Variants in CPA6 observed in about 807,000 individuals in gnomAD.
CPA6 encodes the protein carboxypeptidase B.
CPA6 carries 58 observed loss-of-function variants against 63.3 expected under a neutral mutation model. The observed-to-expected ratio is 0.92, with a 90% CI of 0.74 to 1.14. The LOEUF (loss-of-function observed/expected upper bound fraction) is 1.14, where lower values mean the gene tolerates loss of function less well. Among genes scored for constraint, CPA6 ranks in the 50% most tolerant of loss-of-function variants. The probability of loss-of-function intolerance (pLI) is 0.00; values close to 1 mark genes in which losing one functional copy is unlikely to be tolerated. For synonymous variants in CPA6, 185 were observed against 179.0 expected (o/e 1.03, Z -0.27); for missense variants, 565 against 526.6 (o/e 1.07, Z -0.71).
intron 8 of CPA6, among the ~76,000 whole-genome samples, chr8:67,456,341 G>T (rs1044601123): frequency 1.3e-5 from 2 of 152,146 alleles, no homozygotes; most frequent in African/African-American, 2.4e-5. Context: ...GTTACAAATT[G>T]TCGTGTATGG....
intron 7 of CPA6, among the ~76,000 whole-genome samples, chr8:67,484,145 C>G (rs1389641810): frequency 1.3e-5 from 2 of 152,008 alleles, no homozygotes; most frequent in Non-Finnish European, 2.9e-5. Flanking sequence ...TCTCGGCTCA[C>G]TGCAAGTTCC....
Position 67,609,487 on chromosome 8 carries a change from C to T in CPA6, c.192+14689G>A, listed in dbSNP as rs113906581. Among the ~76,000 whole-genome samples the T allele has an allele frequency of 1.5e-3, 222 of 152,176 alleles. 1 individual carries two copies. Among genetic ancestry groups the T allele is most frequent in the African/African-American group, 5.1e-3 (212 of 41,528 alleles). ...AATTATGCTAAGCAATATCCTATGT[C>T]CTGTGAAAGTCAACGTTGAATATAT... On this transcript the variant is annotated intron_variant, in intron 2 of 10. Transcript: ENST00000297770.
At chr8:67,560,039 C>T (rs1211899209) in intron 2 of CPA6, among the ~76,000 whole-genome samples, 2 of 151,886 alleles carry the variant, frequency 1.3e-5, no homozygotes, top group Non-Finnish European at 2.9e-5. Flanking sequence ...TCTTGGATTA[C>T]CCTGAGTCCA....
At chr8:67,567,953 G>A (rs1457287208) in intron 2 of CPA6, among the ~76,000 whole-genome samples, 5 of 151,820 alleles carry the variant, frequency 3.3e-5, no homozygotes, top group Non-Finnish European at 7.4e-5. Flanking sequence ...GCAAGGAGGT[G>A]AGGCCCACAG....
chr8:67,476,550 TC>T (rs1563968601), intron 8 of CPA6, among the ~76,000 whole-genome samples: 6 of 119,536 alleles, frequency 5.0e-5, no homozygotes, highest in South Asian at 2.4e-4. Flanking sequence ...TCTCTCTCTC[TC>T]TCTTTTTTTT....
chr8:67,533,634 G>C (rs1812523716), intron 2 of CPA6, among the ~76,000 whole-genome samples: 1 of 152,216 alleles, frequency 6.6e-6, no homozygotes, highest in Admixed American at 6.5e-5. Context: ...GCATTAGTGA[G>C]CAATATAGAC....
At chr8:67,508,289 A>G (rs185149424) in intron 5 of CPA6, among the ~76,000 whole-genome samples, 11 of 152,220 alleles carry the variant, frequency 7.2e-5, no homozygotes, top group Admixed American at 7.2e-4. Context: ...GGTAATTTAA[A>G]GTGAATGGTT....
chr8:67,548,972 G>T (rs139139904), intron 2 of CPA6, among the ~76,000 whole-genome samples: 1 of 152,216 alleles, frequency 6.6e-6, no homozygotes, highest in African/African-American at 2.4e-5. Flanking sequence ...ACAGTGCCTT[G>T]TGAGACAGAA....
chr8:67,591,998 A>G (rs1814140261), intron 2 of CPA6, among the ~76,000 whole-genome samples: 1 of 152,136 alleles, frequency 6.6e-6, no homozygotes. Context: ...GTTTTTGCCC[A>G]TTCAGTATGA....
chr8:67,491,144 G>A (rs1811595924), intron 6 of CPA6, among the ~76,000 whole-genome samples: 1 of 151,806 alleles, frequency 6.6e-6, no homozygotes, highest in South Asian at 2.1e-4. Flanking sequence ...CACCAAAATG[G>A]GTGCATCTCA....
At chr8:67,733,868 T>TTTTGG (rs397978433) in intron 1 of CPA6, among the ~76,000 whole-genome samples, 1 of 143,012 alleles carries the variant, frequency 7.0e-6, no homozygotes, top group African/African-American at 2.6e-5. Flanking sequence ...TTTTTTTTTT[T>TTTTGG]GAGACAGGCT....
intron 8 of CPA6, among the ~76,000 whole-genome samples, chr8:67,456,752 C>T (rs1432482509): frequency 1.3e-5 from 2 of 152,150 alleles, no homozygotes; most frequent in Non-Finnish European, 2.9e-5. Flanking sequence ...AGATGTGATA[C>T]ATTAAGGTTC....
Position 67,509,634 on chromosome 8 carries a change from TA to T in CPA6, c.433-17del. 2 of 1,333,284 alleles carry T rather than the reference TA, an allele frequency of 1.5e-6. No individual in the cohort carries two copies. Among genetic ancestry groups the T allele is most frequent in the South Asian group, 2.5e-5 (2 of 79,994 alleles). 82.6% of individuals were successfully genotyped at this position (1,333,284 alleles called of 1,614,324 possible). A position where few individuals can be genotyped will look rare whatever the true frequency, so the allele number is the denominator to read the frequency against. On this transcript the variant is annotated splice_polypyrimidine_tract_variant and intron_variant, in intron 4 of 10. Coordinates refer to ENST00000297770, the MANE Select transcript of CPA6 (RefSeq NM_020361.5). Reference sequence around the variant, plus strand: ...AATTTTGAATCTAAGAGCAAATAAATAAAAACTATGTTAGACTCTCTCAAAA... The same window carrying T: ...AATTTTGAATCTAAGAGCAAATAAATAAAACTATGTTAGACTCTCTCAAAA...
chr8:67,447,113 TAC>T (rs1182335109), intron 8 of CPA6, among the ~76,000 whole-genome samples: 18 of 151,590 alleles, frequency 1.2e-4, no homozygotes, highest in Admixed American at 2.0e-4. Context: ...CACATATATA[TAC>T]ACACACACAC....
intron 1 of CPA6, among the ~76,000 whole-genome samples, chr8:67,667,753 C>T (rs898174117): frequency 1.8e-4 from 28 of 152,204 alleles, no homozygotes; most frequent in Admixed American, 1.4e-3. Context: ...TATGTCTTAG[C>T]TTTAATGGAT....
chr8:67,692,971 C>G (rs544507723), intron 1 of CPA6, among the ~76,000 whole-genome samples: 82 of 152,242 alleles, frequency 5.4e-4, no homozygotes, highest in African/African-American at 1.9e-3. Context: ...TGGCAGGGGA[C>G]TTATTCATGC....
chr8:67,502,496 T>A (rs1441525982), intron 6 of CPA6, among the ~76,000 whole-genome samples: 1 of 152,204 alleles, frequency 6.6e-6, no homozygotes, highest in East Asian at 1.9e-4. Flanking sequence ...TTATTTTTGC[T>A]CTTATTTCTA....
intron 8 of CPA6, among the ~76,000 whole-genome samples, chr8:67,467,011 C>CT (rs1205186303): frequency 3.9e-5 from 6 of 152,074 alleles, no homozygotes; most frequent in Admixed American, 3.3e-4. Context: ...TTAAAACAAA[C>CT]TTTTTATCAA....
intron 1 of CPA6, among the ~76,000 whole-genome samples, chr8:67,742,973 T>C (rs1817940857): frequency 6.6e-6 from 1 of 152,216 alleles, no homozygotes; most frequent in African/African-American, 2.4e-5. Flanking sequence ...ATTTTTTTTT[T>C]TGGTTTCAAT....
Sources: allele counts gnomAD v4.1 joint callset (sites outside exome capture counted in the v4.1 genomes callset), GRCh38; gene constraint gnomAD v4.1.1; transcripts MANE v1.5; gene names NCBI Gene and HGNC (gene_info 2026-07-23, HGNC 2026-07-21).